The following SLC4A5 variants were observed in gnomAD, a reference collection of about 807,000 sequenced individuals.
The protein encoded by SLC4A5 is electrogenic sodium bicarbonate cotransporter 4.
SLC4A5 carries 96 observed loss-of-function variants against 120.4 expected under a neutral mutation model. That is an observed-to-expected ratio of 0.80 (90% CI 0.68 to 0.94). The LOEUF (loss-of-function observed/expected upper bound fraction) is 0.94, where lower values mean the gene tolerates loss of function less well. Ranked by LOEUF, SLC4A5 falls within the 40% of genes least tolerant of loss-of-function variation. SLC4A5 has a pLI of 0.00. For missense variants in SLC4A5, 1,259 were observed against 1,459.5 expected, an observed-to-expected ratio of 0.86 and a Z score of 2.24; for synonymous variants, 550 against 571.1, an observed-to-expected ratio of 0.96 and a Z score of 0.53.
intron 7 of SLC4A5, among the ~76,000 whole-genome samples, chr2:74,293,741 C>T (rs899173610): frequency 2.0e-5 from 3 of 152,228 alleles, no homozygotes; most frequent in Non-Finnish European, 2.9e-5. Context: ...CACACCCCTT[C>T]TCTCTCTGCT....
At chr2:74,337,850 G>C (rs952468994) in intron 3 of SLC4A5, among the ~76,000 whole-genome samples, 2 of 152,176 alleles carry the variant, frequency 1.3e-5, no homozygotes, top group African/African-American at 4.8e-5. Context: ...CCCATTTTGA[G>C]CAGTAAATTA....
chr2:74,281,631 T>C (rs1034893074), intron 8 of SLC4A5, among the ~76,000 whole-genome samples: 2 of 152,138 alleles, frequency 1.3e-5, no homozygotes, highest in African/African-American at 4.8e-5. Flanking sequence ...CAGTCCCCAT[T>C]ATGTGCATGG....
intron 28 of SLC4A5, among the ~76,000 whole-genome samples, chr2:74,224,111 CT>C (rs1350192384): frequency 6.6e-6 from 1 of 152,146 alleles, no homozygotes; most frequent in Admixed American, 6.6e-5. Context: ...AAGTCACTTC[CT>C]TTTGTGGGGA....
chr2:74,326,617 G>A (rs1225994857), intron 5 of SLC4A5, among the ~76,000 whole-genome samples: 1 of 152,066 alleles, frequency 6.6e-6, no homozygotes, highest in Admixed American at 6.6e-5. Flanking sequence ...TCAGGAGTTC[G>A]ATTCCAGCAT....
intron 8 of SLC4A5, among the ~76,000 whole-genome samples, chr2:74,278,716 A>C (rs1558891884): frequency 6.6e-6 from 1 of 152,260 alleles, no homozygotes; most frequent in East Asian, 1.9e-4. Context: ...GGACCAAGTT[A>C]GATACTGGAC....
At chr2:74,298,227 C>T (rs774043867) in intron 7 of SLC4A5, among the ~76,000 whole-genome samples, 9 of 152,218 alleles carry the variant, frequency 5.9e-5, no homozygotes, top group Non-Finnish European at 8.8e-5. Context: ...AAGACAGGCA[C>T]GTGGACCAAG....
At chr2:74,249,491 G>A (rs139552879) in intron 17 of SLC4A5, among the ~76,000 whole-genome samples, 67 of 152,292 alleles carry the variant, frequency 4.4e-4, no homozygotes, top group African/African-American at 1.6e-3. Flanking sequence ...GTTGGGGAGG[G>A]TAGGAATGCT....
At chr2:74,278,120 T>G (rs1186522535) in intron 8 of SLC4A5, among the ~76,000 whole-genome samples, 1 of 152,140 alleles carries the variant, frequency 6.6e-6, no homozygotes, top group African/African-American at 2.4e-5. Flanking sequence ...ATGAAGGTGG[T>G]CTGATGGTGG....
chr2:74,268,207 A>G (rs192172055), intron 8 of SLC4A5, among the ~76,000 whole-genome samples: 1 of 152,326 alleles, frequency 6.6e-6, no homozygotes, highest in East Asian at 1.9e-4. Context: ...AATAAAGAAT[A>G]TTACTTTTGT....
At chr2:74,234,213 A>C (rs2001802) in intron 22 of SLC4A5, among the ~76,000 whole-genome samples, 79,732 of 145,068 alleles carry the variant, frequency 0.55, 21,933 homozygotes, top group African/African-American at 0.67. Flanking sequence ...GAGTCTTGTT[A>C]TGTTACCCAG....
intron 6 of SLC4A5, among the ~76,000 whole-genome samples, chr2:74,309,958 G>T (rs1390810115): frequency 1.3e-5 from 2 of 151,898 alleles, no homozygotes; most frequent in Non-Finnish European, 2.9e-5. Context: ...CACCGTGCCT[G>T]GCCAAAATAT....
At chr2:74,283,925 C>A (rs1222707035) in intron 8 of SLC4A5, among the ~76,000 whole-genome samples, 1 of 150,930 alleles carries the variant, frequency 6.6e-6, no homozygotes, top group Non-Finnish European at 1.5e-5. Flanking sequence ...GCAGCCTCAA[C>A]TTCCCCTGGC....
At chr2:74,330,950 GGGTGGTGAGGTGTAGATGGT>G (rs1673350362) in intron 4 of SLC4A5, among the ~76,000 whole-genome samples, 1 of 146,148 alleles carries the variant, frequency 6.8e-6, no homozygotes, top group East Asian at 2.1e-4. Context: ...TTATAGGTGA[GGGTGGTGAGGTGTAGATGGT>G]GGTGGTGAGG....
chr2:74,219,186 T>G (rs1046378360), intron 30 of SLC4A5, among the ~76,000 whole-genome samples: 1 of 108,824 alleles, frequency 9.2e-6, no homozygotes, highest in Admixed American at 8.4e-5. Context: ...GGTGTGTGTG[T>G]GTGTGTGTGT....
chr2:74,229,884 T>G (rs1694999847), intron 25 of SLC4A5, among the ~76,000 whole-genome samples: 1 of 141,066 alleles, frequency 7.1e-6, no homozygotes, highest in Non-Finnish European at 1.6e-5. Context: ...GAATGAGGTT[T>G]TTTTTTTTTT....
intron 25 of SLC4A5, among the ~76,000 whole-genome samples, chr2:74,228,393 C>T (rs1694923685): frequency 6.6e-6 from 1 of 152,088 alleles, no homozygotes; most frequent in Admixed American, 6.5e-5. Flanking sequence ...TTTGGGAGGC[C>T]AAGGCAGGTG....
chr2:74,284,838 C>G (rs970756740), intron 8 of SLC4A5, among the ~76,000 whole-genome samples: 2 of 152,144 alleles, frequency 1.3e-5, no homozygotes, highest in Non-Finnish European at 2.9e-5. Context: ...ATGGAGTGCT[C>G]TCTGCTCCAC....
At chr2:74,248,695 A>C (rs934046957) in intron 17 of SLC4A5, among the ~76,000 whole-genome samples, 3 of 152,150 alleles carry the variant, frequency 2.0e-5, no homozygotes, top group African/African-American at 7.2e-5. Context: ...TTCCATCTAG[A>C]TAAAGGTACC....
chr2:74,290,836 G>T, intron 7 of SLC4A5: 2 of 859,368 alleles, frequency 2.3e-6, no homozygotes, highest in Non-Finnish European at 2.8e-6. Flanking sequence ...CCTTCCCCAT[G>T]AGTGCTTCCT....
Sources: gnomAD v4.1 joint callset for allele counts (sites outside exome capture counted in the v4.1 genomes callset) on GRCh38, gnomAD v4.1.1 for gene constraint, MANE v1.5 for transcripts, NCBI Gene and HGNC (gene_info 2026-07-23, HGNC 2026-07-21) for gene names.